Variants in PHC2 observed in about 807,000 individuals in gnomAD.
The protein encoded by PHC2 is polyhomeotic-like protein 2.
A neutral mutation model predicts 87.4 loss-of-function variants in PHC2; 29 were observed. That is an observed-to-expected ratio of 0.33 (90% CI 0.25 to 0.45). The LOEUF (loss-of-function observed/expected upper bound fraction) is 0.45, where lower values mean the gene tolerates loss of function less well. Ranked by LOEUF, PHC2 falls within the 20% of genes least tolerant of loss-of-function variation. The pLI is 1.00. For missense variants in PHC2, 857 were observed against 1,136.7 expected, an observed-to-expected ratio of 0.75 and a Z score of 3.54; for synonymous variants, 438 against 461.7, an observed-to-expected ratio of 0.95 and a Z score of 0.66.
At chr1:33,361,760 C>G (rs1478251132) in intron 7 of PHC2, among the ~76,000 whole-genome samples, 1 of 152,226 alleles carries the variant, frequency 6.6e-6, no homozygotes, top group African/African-American at 2.4e-5. Context: ...AGGCCTTAAG[C>G]AAAGCAGGAA....
intron 9 of PHC2, chr1:33,346,823 C>A (rs2148252595): frequency 3.0e-6 from 3 of 985,340 alleles, no homozygotes; most frequent in South Asian, 4.7e-5. Context: ...CCCCTTTACA[C>A]ATTCACAATA....
intron 1 of PHC2, among the ~76,000 whole-genome samples, chr1:33,394,476 G>A (rs907897453): frequency 3.3e-5 from 5 of 152,198 alleles, no homozygotes; most frequent in African/African-American, 1.2e-4. Context: ...AGCAGTGCAT[G>A]CTGGAAACAC....
At chr1:33,376,497 C>T (rs1022406499) in intron 1 of PHC2, among the ~76,000 whole-genome samples, 2 of 152,232 alleles carry the variant, frequency 1.3e-5, no homozygotes, top group Admixed American at 6.5e-5. Flanking sequence ...CTTCCTATAA[C>T]GTTCTCCCTA....
intron 9 of PHC2, among the ~76,000 whole-genome samples, chr1:33,339,877 G>A (rs961375049): frequency 3.3e-5 from 5 of 152,206 alleles, no homozygotes; most frequent in East Asian, 1.9e-4. Flanking sequence ...AATCTGAAAC[G>A]CTCCAATGAG....
chr1:33,335,347 A>G, intron 9 of PHC2: 1 of 985,396 alleles, frequency 1.0e-6, no homozygotes, highest in Non-Finnish European at 1.2e-6. Context: ...GGCTGCCTTT[A>G]ACCTGGAACT....
chr1:33,430,453 C>G (rs2148415268), intron 1 of PHC2, among the ~76,000 whole-genome samples: 1 of 152,294 alleles, frequency 6.6e-6, no homozygotes, highest in South Asian at 2.1e-4. Context: ...TGTCACGCCG[C>G]GGCTGGGGAG....
At chr1:33,430,327 C>T (rs776318120) in intron 1 of PHC2, among the ~76,000 whole-genome samples, 1 of 152,194 alleles carries the variant, frequency 6.6e-6, no homozygotes, top group East Asian at 1.9e-4. Context: ...AACCTTGGGG[C>T]CCGCTTTTCC....
chr1:33,376,271 G>C (rs971801809), intron 1 of PHC2, among the ~76,000 whole-genome samples: 1 of 152,160 alleles, frequency 6.6e-6, no homozygotes, highest in Non-Finnish European at 1.5e-5. Context: ...CTGCCCCTGA[G>C]TGATCCACCT....
chr1:33,414,177 T>TCTCA (rs372228145), intron 1 of PHC2, among the ~76,000 whole-genome samples: 11,739 of 142,818 alleles, frequency 0.082, 559 homozygotes, highest in Middle Eastern at 0.14. Flanking sequence ...TCTCTCTCTG[T>TCTCA]CACACACACA....
intron 2 of PHC2, among the ~76,000 whole-genome samples, chr1:33,374,734 G>C (rs1238763618): frequency 6.6e-6 from 1 of 152,188 alleles, no homozygotes. Flanking sequence ...GGGGTGAGAG[G>C]TTCAATTTTT....
At chr1:33,363,837 C>A (rs1049675331) in intron 7 of PHC2, 12 of 985,220 alleles carry the variant, frequency 1.2e-5, no homozygotes, top group Non-Finnish European at 1.4e-5. Flanking sequence ...TCCCTTAGGA[C>A]TCGGCTTCCC....
At chr1:33,380,856 T>A (rs1023710534) in intron 1 of PHC2, among the ~76,000 whole-genome samples, 3 of 152,168 alleles carry the variant, frequency 2.0e-5, no homozygotes, top group African/African-American at 7.2e-5. Context: ...CCATTTTGCC[T>A]TCCTGGCCTC....
chr1:33,358,636 C>T (rs1647138041), intron 7 of PHC2, among the ~76,000 whole-genome samples: 1 of 152,178 alleles, frequency 6.6e-6, no homozygotes, highest in Non-Finnish European at 1.5e-5. Context: ...GATCTGATCT[C>T]TCACTAAAAA....
chr1:33,421,906 T>A (rs577270654), intron 1 of PHC2, among the ~76,000 whole-genome samples: 1 of 152,342 alleles, frequency 6.6e-6, no homozygotes, highest in African/African-American at 2.4e-5. Flanking sequence ...AAAAGGCGGA[T>A]CTGATCTCGT....
At chr1:33,329,976 A>C in intron 13 of PHC2, 95 bp downstream of exon 13, 1 of 1,384,784 alleles carries the variant, frequency 7.2e-7, no homozygotes, top group Non-Finnish European at 1.0e-6. Context: ...AGTGCGCTGA[A>C]GTCGGCAGCT....
intron 3 of PHC2, among the ~76,000 whole-genome samples, chr1:33,371,818 CAAGAAGACAGGGT>C (rs1416649084): frequency 6.6e-6 from 1 of 152,160 alleles, no homozygotes; most frequent in Non-Finnish European, 1.5e-5. Flanking sequence ...TTGTAAGTGC[CAAGAAGACAGGGT>C]GCTCAGTATA....
At position 33,372,285 on chromosome 1, in the gene PHC2, T is replaced by C. The variant is rs1212795747; in HGVS notation, c.333+4A>G. On this transcript the variant is annotated splice_donor_region_variant and intron_variant, in intron 3 of 14. Coordinates refer to ENST00000683057, the MANE Select transcript of PHC2 (RefSeq NM_001385109.1). ...CCAGCCTCAAGGTCCTTCCCAAGTC[T>C]CACCTGCTGTACGGCTGCCAGGCTC... The C allele has an allele frequency of 6.5e-7, 1 of 1,540,022 alleles. No individual in the cohort carries two copies. Among genetic ancestry groups the C allele is most frequent in the Admixed American group, 1.9e-5 (1 of 51,778 alleles).
rs1292684526 is a variant in PHC2, at chr1:33,329,044, A to G, written c.2251T>C (p.Leu751=). The G allele has an allele frequency of 6.2e-7, 1 of 1,614,084 alleles. No individual in the cohort carries two copies. The highest frequency in any genetic ancestry group is 8.5e-7 in the Non-Finnish European group (1 of 1,180,036). Residue 751 remains leucine, a synonymous_variant, in exon 14 of 15, where the codon TTG becomes CTG. Coordinates refer to ENST00000683057, the MANE Select transcript of PHC2 (RefSeq NM_001385109.1). ...GATGAGCTGGCTGAGATGGGTGACA[A>G]GGGTTCCTCATAGCTTGAGTTATCT... The part of the protein sequence containing the change: ...CSDNSSYEEP[L]SPISASSSTS...
chr1:33,380,598 G>A (rs1648446556), intron 1 of PHC2, among the ~76,000 whole-genome samples: 1 of 152,180 alleles, frequency 6.6e-6, no homozygotes, highest in Non-Finnish European at 1.5e-5. Context: ...CACTGGGGTG[G>A]TTTCCACCTT....
Sources: allele counts gnomAD v4.1 joint callset (sites outside exome capture counted in the v4.1 genomes callset), GRCh38; gene constraint gnomAD v4.1.1; transcripts MANE v1.5; gene names NCBI Gene and HGNC (gene_info 2026-07-23, HGNC 2026-07-21).